Variants in MNAT1 observed in about 807,000 individuals in gnomAD.
MNAT1 encodes CDK-activating kinase assembly factor MAT1.
In MNAT1, 43 loss-of-function variants were observed where a neutral mutation model predicts 42.0. The ratio of observed to expected loss-of-function variants is 1.02; its 90% confidence interval spans 0.80 to 1.32. The LOEUF (loss-of-function observed/expected upper bound fraction) is 1.32, where lower values mean the gene tolerates loss of function less well. Ranked by LOEUF, MNAT1 falls within the 40% of genes most tolerant of loss-of-function variation. The pLI is 0.00. For synonymous variants in MNAT1, 118 were observed against 120.0 expected, an observed-to-expected ratio of 0.98 and a Z score of 0.11; for missense variants, 306 against 350.4, an observed-to-expected ratio of 0.87 and a Z score of 1.01.
Position 60,734,795 on chromosome 14 carries a change from C to T in MNAT1, c.-68C>T. The stretch of plus-strand genomic sequence containing the variant: ...TTGGTAGGAACCTGCTTGGTCGCGT[C>T]TGAGGGGGCTTGTAGGTGGCTCTGG... On this transcript the variant is annotated 5_prime_UTR_variant, in exon 1 of 8. Coordinates refer to ENST00000261245, the MANE Select transcript of MNAT1 (RefSeq NM_002431.4). The surrounding 1 kb of genome is among the most constrained non-coding windows in gnomAD (Gnocchi z 4.3). 6.7e-7 allele frequency: 1 copy of T among 1,486,818 alleles called. No individual in the cohort carries two copies. The highest frequency in any genetic ancestry group is 9.4e-7 in the Non-Finnish European group (1 of 1,066,696). The allele number at this position is 1,486,818 out of a possible 1,614,324, so 92.1% of individuals were successfully genotyped here. A position where few individuals can be genotyped will look rare whatever the true frequency, so the allele number is the denominator to read the frequency against.
At chr14:60,932,639 C>T (rs2035914291) in intron 7 of MNAT1, among the ~76,000 whole-genome samples, 1 of 151,796 alleles carries the variant, frequency 6.6e-6, no homozygotes, top group South Asian at 2.1e-4. Flanking sequence ...TTATATATCT[C>T]ATACTGAATG....
At chr14:60,741,665 T>TTTTTA (rs1555371501) in intron 1 of MNAT1, among the ~76,000 whole-genome samples, 1 of 145,842 alleles carries the variant, frequency 6.9e-6, no homozygotes, top group African/African-American at 2.5e-5. Flanking sequence ...GGGGTTTTTT[T>TTTTTA]TTTTTTTTTT....
In MNAT1 at chr14:60,807,796, CA is replaced by C. The variant is rs201669921; in HGVS notation, c.317-527del. On this transcript the variant is annotated intron_variant, in intron 3 of 7. Transcript: ENST00000261245. ...ATCCTTTATTTTTCTTCTTAAGTTC[CA>C]ACTCCTTTATTTCATACGTTTCTAG... Among the ~76,000 whole-genome samples, 22 of 151,998 alleles carry C rather than the reference CA, an allele frequency of 1.4e-4. No individual in the cohort carries two copies. In the East Asian group the frequency reaches 4.3e-3, roughly 29 times the overall value.
In MNAT1 at chr14:60,768,911, ATTT is replaced by A. The variant is rs368026049; in HGVS notation, c.90-27304_90-27302del. Among the ~76,000 whole-genome samples the A allele has an allele frequency of 3.5e-3, 536 of 152,296 alleles. 7 individuals are homozygous for A. Among genetic ancestry groups the A allele is most frequent in the African/African-American group, 0.012 (510 of 41,556 alleles). On this transcript the variant is annotated intron_variant, in intron 1 of 7. Transcript: ENST00000261245. Reference sequence around the variant, plus strand: ...TGTGGATGATGGCAACGCTATGTGCATTTTCAAAAAGTTACCCTACTCCTAAGA... The same window carrying A: ...TGTGGATGATGGCAACGCTATGTGCATCAAAAAGTTACCCTACTCCTAAGA...
intron 7 of MNAT1, among the ~76,000 whole-genome samples, chr14:60,917,359 A>T (rs1488159239): frequency 6.6e-6 from 1 of 152,216 alleles, no homozygotes; most frequent in East Asian, 1.9e-4. Flanking sequence ...TTTATTAAAT[A>T]ATTTTACATT....
chr14:60,841,119 TTCTC>T (rs975332662), intron 6 of MNAT1, among the ~76,000 whole-genome samples: 3 of 151,066 alleles, frequency 2.0e-5, no homozygotes, highest in African/African-American at 4.9e-5. Context: ...TTCTTACTGA[TTCTC>T]TCTCTCTCTC....
chr14:60,961,160 C>T (rs927674323), intron 7 of MNAT1, among the ~76,000 whole-genome samples: 3 of 152,122 alleles, frequency 2.0e-5, no homozygotes, highest in Non-Finnish European at 2.9e-5. Context: ...TGGGGTTTCT[C>T]CATGTTGGTC....
At position 60,951,615 on chromosome 14, in the gene MNAT1, C is replaced by T. The variant is rs149784777; in HGVS notation, c.810-16614C>T. On this transcript the variant is annotated intron_variant, in intron 7 of 7. Transcript: ENST00000261245. Reference sequence around the variant, plus strand: ...TCTTTTCATATTGTCCTTTCCTTGCCGTATGGCAGCTATTCCTTTCGTGGT... The same window carrying T: ...TCTTTTCATATTGTCCTTTCCTTGCTGTATGGCAGCTATTCCTTTCGTGGT... Among the ~76,000 whole-genome samples the T allele has an allele frequency of 4.0e-3, 614 of 152,084 alleles. 1 individual carries two copies. Among genetic ancestry groups the T allele is most frequent in the African/African-American group, 7.5e-3 (310 of 41,510 alleles).
intron 6 of MNAT1, among the ~76,000 whole-genome samples, chr14:60,838,061 A>C (rs1221523614): frequency 5.9e-5 from 9 of 151,786 alleles, no homozygotes; most frequent in African/African-American, 2.2e-4. Flanking sequence ...TTTCCCTCTG[A>C]TCAGCCTGGC....
intron 6 of MNAT1, among the ~76,000 whole-genome samples, chr14:60,861,715 G>A (rs4151275): frequency 6.6e-6 from 1 of 152,186 alleles, no homozygotes; most frequent in Admixed American, 6.5e-5. Flanking sequence ...TGATAAGCTA[G>A]TTTGAACCTG....
chr14:60,927,793 G>A (rs1393158047), intron 7 of MNAT1, among the ~76,000 whole-genome samples: 1 of 152,112 alleles, frequency 6.6e-6, no homozygotes, highest in East Asian at 1.9e-4. Flanking sequence ...TGTGCCTTGT[G>A]TGCCTCTGAG....
At chr14:60,959,920 G>GTTTTTTTTTTTTTTTTTT (rs11359127) in intron 7 of MNAT1, among the ~76,000 whole-genome samples, 1 of 93,166 alleles carries the variant, frequency 1.1e-5, no homozygotes, top group African/African-American at 3.8e-5. Flanking sequence ...TGGTTTTTAT[G>GTTTTTTTTTTTTTTTTTT]TTTTTTTTTT....
chr14:60,871,856 C>A (rs2034331750), intron 6 of MNAT1, among the ~76,000 whole-genome samples: 1 of 152,060 alleles, frequency 6.6e-6, no homozygotes, highest in Non-Finnish European at 1.5e-5. Flanking sequence ...CTCCTGACCT[C>A]AGGTGATCCA....
intron 1 of MNAT1, among the ~76,000 whole-genome samples, chr14:60,790,490 AC>A (rs2031783874): frequency 6.6e-6 from 1 of 152,182 alleles, no homozygotes; most frequent in Non-Finnish European, 1.5e-5. Flanking sequence ...TCTACTTCTA[AC>A]CTGGAAGCCC....
At chr14:60,886,525 T>C (rs2034674782) in intron 7 of MNAT1, among the ~76,000 whole-genome samples, 1 of 151,996 alleles carries the variant, frequency 6.6e-6, no homozygotes, top group Non-Finnish European at 1.5e-5. Flanking sequence ...GCTAATGTAA[T>C]GTTTTGATTA....
chr14:60,779,817 G>T (rs80302033), intron 1 of MNAT1, among the ~76,000 whole-genome samples: 10 of 151,900 alleles, frequency 6.6e-5, no homozygotes, highest in Non-Finnish European at 1.3e-4. Flanking sequence ...AAAAAAAAAA[G>T]AAGCTGTTTC....
chr14:60,929,014 G>T (rs937524927), intron 7 of MNAT1, among the ~76,000 whole-genome samples: 1 of 150,540 alleles, frequency 6.6e-6, no homozygotes, highest in African/African-American at 2.4e-5. Flanking sequence ...CAGTGTGGTC[G>T]CATGTGCCTG....
chr14:60,845,630 T>G (rs1010420640), intron 6 of MNAT1, among the ~76,000 whole-genome samples: 2 of 152,104 alleles, frequency 1.3e-5, no homozygotes, highest in Non-Finnish European at 2.9e-5. Context: ...ATAATCTTGT[T>G]TTAGAATAGT....
chr14:60,821,521 T>C (rs1417946775), intron 6 of MNAT1, among the ~76,000 whole-genome samples: 5 of 152,230 alleles, frequency 3.3e-5, no homozygotes, highest in African/African-American at 1.2e-4. Context: ...TGAAGTACTT[T>C]CAAGTTTCTG....
Sources: gnomAD v4.1 joint callset for allele counts (sites outside exome capture counted in the v4.1 genomes callset) on GRCh38, gnomAD v4.1.1 for gene constraint, Gnocchi (gnomAD v3.1) non-coding constraint, MANE v1.5 for transcripts, NCBI Gene and HGNC (gene_info 2026-07-23, HGNC 2026-07-21) for gene names.